The following CADPS2 variants were observed in gnomAD, a reference collection of about 807,000 sequenced individuals.
CADPS2 encodes calcium dependent secretion activator 2, also known as calcium-dependent secretion activator 2.
In CADPS2, 93 loss-of-function variants were observed where a neutral mutation model predicts 172.5. The observed-to-expected ratio is 0.54, with a 90% CI of 0.46 to 0.64. The LOEUF is 0.64. Among genes scored for constraint, CADPS2 ranks in the 30% least tolerant of loss-of-function variants. The pLI is 0.00. For missense variants in CADPS2, 1,420 were observed against 1,565.9 expected (o/e 0.91, Z 1.57); for synonymous variants, 546 against 555.2 (o/e 0.98, Z 0.23).
intron 3 of CADPS2, among the ~76,000 whole-genome samples, chr7:122,645,488 G>GTATATATATACT (rs2078356929): frequency 1.3e-4 from 12 of 94,292 alleles, no homozygotes; most frequent in South Asian, 5.9e-4. Flanking sequence ...TATATTTAGC[G>GTATATATATACT]TATATATATA....
chr7:122,552,543 A>C (rs181705395), intron 8 of CADPS2, among the ~76,000 whole-genome samples: 1 of 152,230 alleles, frequency 6.6e-6, no homozygotes, highest in East Asian at 1.9e-4. Flanking sequence ...CTACCCCCAA[A>C]TCAAGCCTTG....
chr7:122,835,841 T>C (rs1433231223), intron 1 of CADPS2, among the ~76,000 whole-genome samples: 1 of 152,198 alleles, frequency 6.6e-6, no homozygotes, highest in Non-Finnish European at 1.5e-5. Flanking sequence ...TGGAACCAAG[T>C]TGGAAAACAC....
At chr7:122,401,783 G>A (rs1182535092) in intron 20 of CADPS2, among the ~76,000 whole-genome samples, 2 of 152,084 alleles carry the variant, frequency 1.3e-5, no homozygotes, top group Non-Finnish European at 2.9e-5. Context: ...GGTCTTTTTT[G>A]GCCAGAAATG....
intron 1 of CADPS2, among the ~76,000 whole-genome samples, chr7:122,805,983 G>A (rs1798714789): frequency 6.6e-6 from 1 of 152,120 alleles, no homozygotes; most frequent in Non-Finnish European, 1.5e-5. Flanking sequence ...AGGAGGTATG[G>A]ATTTTTATAT....
At position 122,360,833 on chromosome 7, in the gene CADPS2, A is replaced by T; in HGVS notation, c.3472-13T>A. On this transcript the variant is annotated splice_polypyrimidine_tract_variant and intron_variant, in intron 26 of 29. Transcript: ENST00000449022. The stretch of plus-strand genomic sequence containing the variant: ...CAGCTGCTTTCACCTTAAGTGTGAA[A>T]GAAAGAGATAATCATGAGAATTATT... 1 of 1,574,142 alleles carries T rather than the reference A, an allele frequency of 6.4e-7. No individual in the cohort carries two copies. Among genetic ancestry groups the T allele is most frequent in the East Asian group, 2.3e-5 (1 of 43,644 alleles).
At chr7:122,582,556 A>C (rs931374576) in intron 6 of CADPS2, among the ~76,000 whole-genome samples, 3 of 152,094 alleles carry the variant, frequency 2.0e-5, no homozygotes, top group Non-Finnish European at 4.4e-5. Context: ...CATATAATTA[A>C]GATGGTTTAC....
chr7:122,742,219 C>T (rs1475681381), intron 1 of CADPS2, among the ~76,000 whole-genome samples: 3 of 151,646 alleles, frequency 2.0e-5, no homozygotes, highest in African/African-American at 7.3e-5. Context: ...GGTGAAACCC[C>T]GTCTCTACTA....
rs369027971 is a variant in CADPS2 at position 122,491,418 on chromosome 7, A to C, written c.1545T>G (p.Val515=). 9 of 1,573,122 alleles carry C rather than the reference A, an allele frequency of 5.7e-6. No homozygotes were observed. Among genetic ancestry groups the C allele is most frequent in the Non-Finnish European group, 7.8e-6 (9 of 1,159,718 alleles). ...WKKRYFVLVQ[V]SQYTFAMCSY... ...TGCACATAGCAAAGGTATATTGGCT[A>C]ACCTGCTCGAGAAAAAAAAAGTTTA... Residue 515 remains valine (V), a splice_region_variant and synonymous_variant, in exon 10 of 30, where the codon GTT becomes GTG. Transcript: ENST00000449022.
chr7:122,472,287 G>T (rs1412808542), intron 13 of CADPS2, among the ~76,000 whole-genome samples: 5 of 147,602 alleles, frequency 3.4e-5, no homozygotes, highest in African/African-American at 1.3e-4. Flanking sequence ...TTTTAAAAGG[G>T]GGCAGGGTAA....
intron 9 of CADPS2, among the ~76,000 whole-genome samples, chr7:122,500,378 AT>A (rs2059097729): frequency 6.6e-6 from 1 of 152,162 alleles, no homozygotes; most frequent in African/African-American, 2.4e-5. Context: ...AAAATGTACT[AT>A]TTTTGAAAGT....
Position 122,615,251 on chromosome 7 carries a change from T to G in CADPS2, c.1153A>C (p.Ile385Leu). 6.4e-7 allele frequency: 1 copy of G among 1,558,184 alleles called. No individual in the cohort carries two copies. Among genetic ancestry groups the G allele is most frequent in the Non-Finnish European group, 8.7e-7 (1 of 1,148,778 alleles). ...QGLKSVAPNR[I>L]VYCTMEVEGE... ...TCCACTTCCATTGTACAGTAAACAA[T>G]TCGATTGGGAGCAACTGACTTCAGG... The change falls in exon 6 of 30, where the codon ATT becomes CTT. Residue 385 changes from isoleucine to leucine, a missense_variant. Coordinates refer to ENST00000449022, the MANE Select transcript of CADPS2 (RefSeq NM_017954.11).
chr7:122,602,665 C>T (rs560176810), intron 6 of CADPS2, among the ~76,000 whole-genome samples: 3 of 152,142 alleles, frequency 2.0e-5, no homozygotes, highest in Non-Finnish European at 2.9e-5. Flanking sequence ...CTGCTTGGAT[C>T]TCCAGTTCAC....
intron 1 of CADPS2, among the ~76,000 whole-genome samples, chr7:122,875,909 T>C (rs1821076681): frequency 6.6e-6 from 1 of 152,160 alleles, no homozygotes; most frequent in Non-Finnish European, 1.5e-5. Flanking sequence ...CCCATTCCCT[T>C]GGTCCTCTTT....
At chr7:122,816,223 ACTCT>A (rs1227168592) in intron 1 of CADPS2, among the ~76,000 whole-genome samples, 1 of 119,206 alleles carries the variant, frequency 8.4e-6, no homozygotes, top group Non-Finnish European at 1.6e-5. Flanking sequence ...CCATTATTCT[ACTCT>A]CTATCTCCAC....
At chr7:122,852,785 G>T (rs973211934) in intron 1 of CADPS2, among the ~76,000 whole-genome samples, 1 of 152,110 alleles carries the variant, frequency 6.6e-6, no homozygotes, top group African/African-American at 2.4e-5. Context: ...GAGTGAGATG[G>T]AACCCACTGG....
chr7:122,322,360 C>T (rs1394553437), intron 29 of CADPS2, among the ~76,000 whole-genome samples: 2 of 152,198 alleles, frequency 1.3e-5, no homozygotes, highest in Non-Finnish European at 2.9e-5. Flanking sequence ...ATTAAGACCG[C>T]TTTCTTATTC....
chr7:122,523,902 G>T (rs1425523952), intron 8 of CADPS2, among the ~76,000 whole-genome samples: 1 of 152,156 alleles, frequency 6.6e-6, no homozygotes, highest in Admixed American at 6.6e-5. Context: ...AGGCAAACTT[G>T]CAGAGAGGTC....
rs2058271036 is a variant in CADPS2 at position 122,491,419 on chromosome 7, A to T, written c.1544T>A (p.Val515Asp). ...GCACATAGCAAAGGTATATTGGCTA[A>T]CCTGCTCGAGAAAAAAAAAGTTTAC... Reference protein sequence around the residue: ...WKKRYFVLVQVSQYTFAMCSY... With the variant: ...WKKRYFVLVQDSQYTFAMCSY... The change falls in exon 10 of 30, where the codon GTT becomes GAT. Residue 515 changes from valine to aspartate, a missense_variant and splice_region_variant. Physicochemically the swap from Val to Asp is radical, Grantham distance 152 (BLOSUM62 -3). Transcript: ENST00000449022. 1 of 1,571,250 alleles carries T rather than the reference A, an allele frequency of 6.4e-7. No individual in the cohort carries two copies. The highest frequency in any genetic ancestry group is 8.6e-7 in the Non-Finnish European group (1 of 1,158,260).
chr7:122,641,711 A>C (rs1355983395), intron 3 of CADPS2, among the ~76,000 whole-genome samples: 1 of 152,166 alleles, frequency 6.6e-6, no homozygotes, highest in African/African-American at 2.4e-5. Flanking sequence ...AGGAACACTA[A>C]AACACAGGGT....
Sources: gnomAD v4.1 joint callset for allele counts (sites outside exome capture counted in the v4.1 genomes callset) on GRCh38, gnomAD v4.1.1 for gene constraint, MANE v1.5 for transcripts, NCBI Gene and HGNC (gene_info 2026-07-23, HGNC 2026-07-21) for gene names.